ATP6V1H: variants seen among roughly 807,000 people sequenced by gnomAD.
ATP6V1H encodes V-type proton ATPase subunit H.
A neutral mutation model predicts 71.7 loss-of-function variants in ATP6V1H; 39 were observed. The observed-to-expected ratio is 0.54, with a 90% CI of 0.42 to 0.71. ATP6V1H has a LOEUF of 0.71. Ranked by LOEUF, ATP6V1H falls within the 30% of genes least tolerant of loss-of-function variation. The probability of loss-of-function intolerance (pLI) is 0.00; values close to 1 mark genes in which losing one functional copy is unlikely to be tolerated. For synonymous variants in ATP6V1H, 192 were observed against 199.3 expected, an observed-to-expected ratio of 0.96 and a Z score of 0.31; for missense variants, 509 against 594.9, an observed-to-expected ratio of 0.86 and a Z score of 1.50.
chr8:53,841,502 CA>C (rs1481840812), intron 2 of ATP6V1H, 75 bp downstream of exon 2: 9 of 1,477,980 alleles, frequency 6.1e-6, no homozygotes, highest in Non-Finnish European at 8.5e-6. Flanking sequence ...GTATTTCTCT[CA>C]TAGAAGCATG....
chr8:53,719,113 A>C (rs1806529441), intron 13 of ATP6V1H, among the ~76,000 whole-genome samples: 1 of 152,118 alleles, frequency 6.6e-6, no homozygotes, highest in South Asian at 2.1e-4. Context: ...AAAACACCTA[A>C]CCTATACGAA....
rs1808447766 is a variant in ATP6V1H, at chr8:53,766,022, G to A, written c.1175+3596C>T. Reference sequence around the variant, plus strand: ...CAACTGATCTTTTAACAGAGCAAGGGCAATTCATTGGAGCAAAGATAGTCT... The same window carrying A: ...CAACTGATCTTTTAACAGAGCAAGGACAATTCATTGGAGCAAAGATAGTCT... On this transcript the variant is annotated intron_variant, in intron 11 of 13. Coordinates refer to ENST00000359530, the MANE Select transcript of ATP6V1H (RefSeq NM_015941.4). 2.6e-5 allele frequency among the ~76,000 whole-genome samples: 4 copies of A among 152,138 alleles called. No individual in the cohort carries two copies. In the South Asian group the frequency reaches 8.3e-4, roughly 32 times the overall value.
At chr8:53,768,716 T>C (rs1436104601) in intron 11 of ATP6V1H, among the ~76,000 whole-genome samples, 2 of 152,124 alleles carry the variant, frequency 1.3e-5, no homozygotes, top group Non-Finnish European at 2.9e-5. Flanking sequence ...TCCATTTACA[T>C]GAAATTTCTG....
chr8:53,731,464 CATT>C lies in ATP6V1H; in HGVS notation c.1391+12110_1391+12112del, dbSNP rs1196217374. On this transcript the variant is annotated intron_variant, in intron 13 of 13. Transcript: ENST00000359530. Reference sequence around the variant, plus strand: ...CACTGTATTATCTACAGATTCCAGGCATTGTATAAGGAAGCATTGTGAAGCTTT... The same window carrying C: ...CACTGTATTATCTACAGATTCCAGGCGTATAAGGAAGCATTGTGAAGCTTT... Among the ~76,000 whole-genome samples, 5 of 152,308 alleles carry C rather than the reference CATT, an allele frequency of 3.3e-5. No individual in the cohort carries two copies. The East Asian group carries it at 9.6e-4, about 29-fold the overall frequency.
chr8:53,837,025 C>CA (rs761274398), intron 2 of ATP6V1H, among the ~76,000 whole-genome samples: 3 of 152,000 alleles, frequency 2.0e-5, no homozygotes, highest in Non-Finnish European at 4.4e-5. Context: ...CCTGTAATCC[C>CA]AGCTACTCGG....
chr8:53,835,667 T>C (rs1811135030), intron 2 of ATP6V1H, among the ~76,000 whole-genome samples: 1 of 143,384 alleles, frequency 7.0e-6, no homozygotes, highest in African/African-American at 2.9e-5. Flanking sequence ...TCACACATGC[T>C]CATTTTTTAA....
intron 12 of ATP6V1H, among the ~76,000 whole-genome samples, chr8:53,745,613 AG>A (rs1333070940): frequency 6.6e-6 from 1 of 151,940 alleles, no homozygotes; most frequent in Non-Finnish European, 1.5e-5. Context: ...TTTTCTCCAT[AG>A]GCACGTAACA....
chr8:53,721,644 G>A (rs1412110354), intron 13 of ATP6V1H, among the ~76,000 whole-genome samples: 1 of 152,120 alleles, frequency 6.6e-6, no homozygotes, highest in African/African-American at 2.4e-5. Flanking sequence ...AGTGGGGAGT[G>A]TACTGGTACC....
At chr8:53,741,217 A>G (rs1807402700) in intron 13 of ATP6V1H, among the ~76,000 whole-genome samples, 1 of 152,204 alleles carries the variant, frequency 6.6e-6, no homozygotes, top group African/African-American at 2.4e-5. Context: ...AGTCAAATTT[A>G]AAAATTTCAT....
intron 9 of ATP6V1H, among the ~76,000 whole-genome samples, chr8:53,781,559 T>C (rs192943321): frequency 6.6e-6 from 1 of 152,360 alleles, no homozygotes; most frequent in African/African-American, 2.4e-5. Context: ...ACACCATTTG[T>C]CAATTTTGTC....
chr8:53,819,868 T>A (rs1810592696), intron 4 of ATP6V1H, among the ~76,000 whole-genome samples: 1 of 148,900 alleles, frequency 6.7e-6, no homozygotes, highest in South Asian at 2.1e-4. Flanking sequence ...ATTGAACTGG[T>A]GGATGAGAAT....
intron 13 of ATP6V1H, among the ~76,000 whole-genome samples, chr8:53,732,287 C>A (rs184049543): frequency 6.6e-6 from 1 of 151,974 alleles, no homozygotes; most frequent in African/African-American, 2.4e-5. Flanking sequence ...GAAAGTAAGC[C>A]CACCCTGCTA....
intron 3 of ATP6V1H, 57 bp downstream of exon 3, chr8:53,832,922 AGATTT>A: frequency 8.7e-7 from 1 of 1,150,620 alleles, no homozygotes; most frequent in South Asian, 1.4e-5. Context: ...ATAATCACTA[AGATTT>A]TTCTAAACTT....
intron 9 of ATP6V1H, among the ~76,000 whole-genome samples, chr8:53,782,108 C>T (rs538528962): frequency 1.1e-3 from 166 of 152,116 alleles, no homozygotes; most frequent in African/African-American, 3.6e-3. Flanking sequence ...GGGGATGGCA[C>T]TGAATCTATA....
At chr8:53,807,193 C>A (rs1308559715) in intron 7 of ATP6V1H, among the ~76,000 whole-genome samples, 2 of 152,056 alleles carry the variant, frequency 1.3e-5, no homozygotes, top group East Asian at 3.8e-4. Flanking sequence ...GAAGGGGTGA[C>A]AAGTATTACA....
At chr8:53,833,623 C>A (rs182503271) in intron 2 of ATP6V1H, among the ~76,000 whole-genome samples, 3 of 152,182 alleles carry the variant, frequency 2.0e-5, no homozygotes, top group Non-Finnish European at 2.9e-5. Context: ...CCCACACTCT[C>A]CTATTTTCCT....
At chr8:53,755,095 C>T (rs1807956297) in intron 12 of ATP6V1H, among the ~76,000 whole-genome samples, 1 of 152,114 alleles carries the variant, frequency 6.6e-6, no homozygotes, top group Non-Finnish European at 1.5e-5. Context: ...GGGTGACAGG[C>T]CCAGCACTCA....
chr8:53,727,529 C>CT (rs1417567858), intron 13 of ATP6V1H, among the ~76,000 whole-genome samples: 1 of 152,174 alleles, frequency 6.6e-6, no homozygotes, highest in Non-Finnish European at 1.5e-5. Flanking sequence ...TCACACAGCT[C>CT]TTTGAGACTC....
chr8:53,791,874 G>A (rs1047211786), intron 9 of ATP6V1H, among the ~76,000 whole-genome samples: 1 of 152,140 alleles, frequency 6.6e-6, no homozygotes, highest in South Asian at 2.1e-4. Context: ...GGTCATCTGT[G>A]TCCCCGAATA....
Sources: gnomAD v4.1 joint callset for allele counts (sites outside exome capture counted in the v4.1 genomes callset) on GRCh38, gnomAD v4.1.1 for gene constraint, MANE v1.5 for transcripts, NCBI Gene and HGNC (gene_info 2026-07-23, HGNC 2026-07-21) for gene names.